TIMP3: variants seen among roughly 807,000 people sequenced by gnomAD.
TIMP3 encodes TIMP metallopeptidase inhibitor 3.
TIMP3 carries 11 observed loss-of-function variants against 30.0 expected under a neutral mutation model. The ratio of observed to expected loss-of-function variants is 0.37; its 90% CI spans 0.23 to 0.61. TIMP3 has a LOEUF of 0.61. TIMP3 is among the 20% of genes least tolerant of loss of function. The pLI, the probability that TIMP3 is intolerant of heterozygous loss-of-function variation, is 0.70. For missense variants in TIMP3, 181 were observed against 276.8 expected (o/e 0.65, Z 2.45); for synonymous variants, 112 against 111.3 (o/e 1.01, Z -0.04).
At chr22:32,840,539 G>C (rs1379035972) in intron 1 of TIMP3, among the ~76,000 whole-genome samples, 4 of 152,180 alleles carry the variant, frequency 2.6e-5, no homozygotes, top group South Asian at 4.2e-4. Flanking sequence ...GCAGTGGGAG[G>C]GGGGTCATCA....
At chr22:32,859,151 A>G in intron 4 of TIMP3, 29 bp from the exon 5 acceptor site, 1 of 1,612,230 alleles carries the variant, frequency 6.2e-7, no homozygotes, top group South Asian at 1.1e-5. Flanking sequence ...GGCAGAGTCC[A>G]TCAACTGCTG....
chr22:32,804,004 G>A (rs1273001042), intron 1 of TIMP3, among the ~76,000 whole-genome samples: 5 of 152,138 alleles, frequency 3.3e-5, no homozygotes, highest in Admixed American at 1.3e-4. Flanking sequence ...GGTTTCCTGC[G>A]GTGGGTCTGA....
chr22:32,834,212 G>A (rs1402982123), intron 1 of TIMP3, among the ~76,000 whole-genome samples: 1 of 152,040 alleles, frequency 6.6e-6, no homozygotes, highest in African/African-American at 2.4e-5. Context: ...GAGTGCAGTG[G>A]CACGATCTCG....
chr22:32,841,828 C>T (rs894800292), intron 1 of TIMP3, among the ~76,000 whole-genome samples: 12 of 151,924 alleles, frequency 7.9e-5, no homozygotes, highest in Non-Finnish European at 1.3e-4. Context: ...TGCACATGTA[C>T]CCCAGAACTT....
chr22:32,855,302 T>A (rs761862858), intron 2 of TIMP3, among the ~76,000 whole-genome samples: 2 of 152,168 alleles, frequency 1.3e-5, no homozygotes, highest in African/African-American at 2.4e-5. Flanking sequence ...TCAGCTTCTG[T>A]TACATTCATT....
At chr22:32,824,005 G>A (rs1327255898) in intron 1 of TIMP3, among the ~76,000 whole-genome samples, 1 of 152,144 alleles carries the variant, frequency 6.6e-6, no homozygotes, top group African/African-American at 2.4e-5. Flanking sequence ...CAGGCCAGGC[G>A]CGGTGACTCA....
chr22:32,806,620 C>T (rs1265475054), intron 1 of TIMP3, among the ~76,000 whole-genome samples: 1 of 152,146 alleles, frequency 6.6e-6, no homozygotes, highest in African/African-American at 2.4e-5. Flanking sequence ...ATATGGGCTA[C>T]CTTTGAGCTT....
intron 2 of TIMP3, among the ~76,000 whole-genome samples, chr22:32,850,194 C>T (rs1288860681): frequency 6.6e-6 from 1 of 151,186 alleles, no homozygotes; most frequent in African/African-American, 2.4e-5. Context: ...GGAGGTATGC[C>T]CTTAAGAAAA....
At chr22:32,819,952 A>C (rs1278257410) in intron 1 of TIMP3, among the ~76,000 whole-genome samples, 1 of 152,130 alleles carries the variant, frequency 6.6e-6, no homozygotes, top group African/African-American at 2.4e-5. Flanking sequence ...CCATCCTACC[A>C]CATGGCTTCC....
In TIMP3 at chr22:32,801,971, AGCAGCCCCG is replaced by A; in HGVS notation, c.-25_-17del. 1.3e-6 allele frequency: 2 copies of A among 1,578,496 alleles called. No individual in the cohort carries two copies. The highest frequency in any genetic ancestry group is 1.1e-5 in the South Asian group (1 of 87,234). On this transcript the variant is annotated 5_prime_UTR_variant, in exon 1 of 5. Coordinates refer to ENST00000266085, the MANE Select transcript of TIMP3 (RefSeq NM_000362.5). The surrounding 1 kb of genome is among the most constrained non-coding windows in gnomAD (Gnocchi z 4.7). ...GCACGGCAACTTTGGAGAGGCGAGC[AGCAGCCCCG>A]GCAGCGGCGGCAGCAGCGGCAATGA...
At chr22:32,816,873 A>G (rs932243358) in intron 1 of TIMP3, among the ~76,000 whole-genome samples, 1 of 152,122 alleles carries the variant, frequency 6.6e-6, no homozygotes, top group Admixed American at 6.5e-5. Context: ...GTACTGTGGG[A>G]AGGCCTAAAT....
intron 1 of TIMP3, among the ~76,000 whole-genome samples, chr22:32,805,651 A>G (rs1022016736): frequency 2.4e-5 from 3 of 124,842 alleles, no homozygotes; most frequent in Non-Finnish European, 3.3e-5. Flanking sequence ...AGCAACCTTA[A>G]GAGTAGGTAT....
At position 32,858,120 on chromosome 22, in the gene TIMP3, C is replaced by T. The variant is rs779302390; in HGVS notation, c.420C>T (p.His140=). The change falls in exon 4 of 5, where the codon CAC becomes CAT. Residue 140 remains histidine, a synonymous_variant. Transcript: ENST00000266085. ...SQRKGLNYRY[H]LGCNCKIKSC... ...GCAAGGGGCTGAACTATCGGTATCA[C>T]CTGGGTTGTAACTGCAAGGTAAGCT... 19 of 1,614,084 alleles carry T rather than the reference C, an allele frequency of 1.2e-5. No homozygotes were observed. Among genetic ancestry groups the T allele is most frequent in the Non-Finnish European group, 1.6e-5 (19 of 1,179,922 alleles).
At chr22:32,819,010 C>T (rs948757026) in intron 1 of TIMP3, among the ~76,000 whole-genome samples, 2 of 152,210 alleles carry the variant, frequency 1.3e-5, no homozygotes, top group Admixed American at 6.5e-5. Context: ...TAAATAACCT[C>T]GAGGCTGGCC....
intron 1 of TIMP3, among the ~76,000 whole-genome samples, chr22:32,824,261 G>A (rs1405224951): frequency 4.6e-5 from 6 of 130,244 alleles, no homozygotes; most frequent in African/African-American, 1.8e-4. Flanking sequence ...CTGGGCGACA[G>A]AGCAAGACTC....
At chr22:32,802,171 G>T in intron 1 of TIMP3, 49 bp downstream of exon 1, 2 of 1,551,260 alleles carry the variant, frequency 1.3e-6, no homozygotes, top group Non-Finnish European at 1.7e-6. Context: ...AGCCAGGACT[G>T]CAGCGCTGCT....
At chr22:32,829,990 G>C (rs1349468886) in intron 1 of TIMP3, among the ~76,000 whole-genome samples, 4 of 152,126 alleles carry the variant, frequency 2.6e-5, no homozygotes, top group South Asian at 4.1e-4. Context: ...CACTGCACTT[G>C]GACTGATACC....
intron 1 of TIMP3, among the ~76,000 whole-genome samples, chr22:32,830,660 AC>A (rs149734784): frequency 1.3e-5 from 2 of 151,032 alleles, no homozygotes; most frequent in South Asian, 2.1e-4. Context: ...CCACAGGGCC[AC>A]CCCCCCGCCC....
At chr22:32,857,802 A>G (rs754381504) in intron 3 of TIMP3, among the ~76,000 whole-genome samples, 7 of 152,194 alleles carry the variant, frequency 4.6e-5, no homozygotes, top group Non-Finnish European at 7.3e-5. Flanking sequence ...ACCTTTGGCA[A>G]ATCACTTTAC....
Sources: gnomAD v4.1 joint callset for allele counts (sites outside exome capture counted in the v4.1 genomes callset) on GRCh38, gnomAD v4.1.1 for gene constraint, Gnocchi (gnomAD v3.1) non-coding constraint, MANE v1.5 for transcripts, NCBI Gene and HGNC (gene_info 2026-07-23, HGNC 2026-07-21) for gene names.